Variants in BRINP2 observed in about 807,000 individuals in gnomAD.
BRINP2 encodes the protein BMP/retinoic acid-inducible neural-specific protein 2.
In BRINP2, 21 loss-of-function variants were observed where a neutral mutation model predicts 69.2. The ratio of observed to expected loss-of-function variants is 0.30; its 90% CI spans 0.22 to 0.44. The LOEUF is 0.44. Ranked by LOEUF, BRINP2 falls within the 20% of genes least tolerant of loss-of-function variation. The pLI, the probability that BRINP2 is intolerant of heterozygous loss-of-function variation, is 1.00. For missense variants in BRINP2, 877 were observed against 986.0 expected, an observed-to-expected ratio of 0.89 and a Z score of 1.48; for synonymous variants, 380 against 394.1, an observed-to-expected ratio of 0.96 and a Z score of 0.42.
intron 2 of BRINP2, among the ~76,000 whole-genome samples, chr1:177,255,356 T>C (rs1650722287): frequency 6.6e-6 from 1 of 152,240 alleles, no homozygotes; most frequent in Non-Finnish European, 1.5e-5. Context: ...CAAATGTTGA[T>C]TTTCTCGGTT....
chr1:177,237,237 C>A (rs943681098), intron 2 of BRINP2, among the ~76,000 whole-genome samples: 1 of 152,178 alleles, frequency 6.6e-6, no homozygotes, highest in African/African-American at 2.4e-5. Flanking sequence ...GCATCTCCTT[C>A]GTGCAATGCA....
intron 1 of BRINP2, among the ~76,000 whole-genome samples, chr1:177,207,955 C>T (rs373800973): frequency 3.5e-4 from 54 of 152,214 alleles, no homozygotes; most frequent in African/African-American, 1.2e-3. Context: ...TGCCAAACGC[C>T]GCAGACAAGT....
intron 2 of BRINP2, among the ~76,000 whole-genome samples, chr1:177,240,916 G>A (rs181092999): frequency 1.4e-4 from 22 of 152,208 alleles, no homozygotes; most frequent in African/African-American, 4.6e-4. Context: ...CAGTCAAGAA[G>A]GTGGTCAGTG....
At chr1:177,249,690 A>T (rs1340780662) in intron 2 of BRINP2, among the ~76,000 whole-genome samples, 1 of 152,204 alleles carries the variant, frequency 6.6e-6, no homozygotes, top group African/African-American at 2.4e-5. Context: ...TAAAAAAAAG[A>T]GCCTTGATTA....
intron 4 of BRINP2, among the ~76,000 whole-genome samples, chr1:177,265,086 G>A (rs527248347): frequency 2.0e-5 from 3 of 152,248 alleles, no homozygotes; most frequent in South Asian, 2.1e-4. Flanking sequence ...GAAATAGCAC[G>A]GTACTGGTAC....
intron 1 of BRINP2, among the ~76,000 whole-genome samples, chr1:177,206,537 G>A (rs891100970): frequency 1.3e-5 from 2 of 152,146 alleles, no homozygotes; most frequent in African/African-American, 4.8e-5. Flanking sequence ...GAACTCTGAT[G>A]TTTTATAGCT....
chr1:177,196,888 AAAG>A (rs1320507984), intron 1 of BRINP2, among the ~76,000 whole-genome samples: 6 of 152,142 alleles, frequency 3.9e-5, no homozygotes, highest in Non-Finnish European at 8.8e-5. Flanking sequence ...TCTGTGCTGA[AAAG>A]AAGAAAAAAA....
Position 177,256,038 on chromosome 1 carries a change from A to G in BRINP2, c.389A>G (p.Asn130Ser), listed in dbSNP as rs1650744754. 3 of 1,614,132 alleles carry G rather than the reference A, an allele frequency of 1.9e-6. No homozygotes were observed. The highest frequency in any genetic ancestry group is 2.5e-6 in the Non-Finnish European group (3 of 1,180,000). ...ATTCGCCTCCTTGGAAGGAGACCCAATCTGCAACAGGTTACAGAAAATCTG... is the reference window on the plus strand; with the variant it reads ...ATTCGCCTCCTTGGAAGGAGACCCAGTCTGCAACAGGTTACAGAAAATCTG... ...RNIRLLGRRPNLQQVTENLIK... is the reference protein window; with the variant it reads ...RNIRLLGRRPSLQQVTENLIK... The change falls in exon 3 of 8, where the codon AAT becomes AGT. Residue 130 changes from asparagine to serine, a missense_variant. Coordinates refer to ENST00000361539, the MANE Select transcript of BRINP2 (RefSeq NM_021165.4).
intron 4 of BRINP2, among the ~76,000 whole-genome samples, chr1:177,271,284 A>G (rs1651317686): frequency 6.6e-6 from 1 of 152,204 alleles, no homozygotes; most frequent in Admixed American, 6.5e-5. Flanking sequence ...AAGGATAATC[A>G]AATTGATCTG....
Position 177,278,616 on chromosome 1 carries a change from A to G in BRINP2, c.1066A>G (p.Thr356Ala), listed in dbSNP as rs749763065. 1 of 1,614,172 alleles carries G rather than the reference A, an allele frequency of 6.2e-7. No homozygotes were observed. Among genetic ancestry groups the G allele is most frequent in the South Asian group, 1.1e-5 (1 of 91,084 alleles). ...RLPDDRFLNSTAISQFWAMDT... is the reference protein window; with the variant it reads ...RLPDDRFLNSAAISQFWAMDT... ...GCCCGATGACCGGTTCCTGAACTCC[A>G]CAGCTATCTCCCAGTTCTGGGCCAT... The change falls in exon 7 of 8, where the codon ACA (threonine) becomes GCA (alanine). Residue 356 changes from threonine (T) to alanine (A), a missense_variant. Coordinates refer to ENST00000361539, the MANE Select transcript of BRINP2 (RefSeq NM_021165.4).
At chr1:177,173,550 G>A (rs1648002715) in intron 1 of BRINP2, among the ~76,000 whole-genome samples, 1 of 152,190 alleles carries the variant, frequency 6.6e-6, no homozygotes, top group South Asian at 2.1e-4. Flanking sequence ...GAGGAGAAAA[G>A]GGCTGGGGAA....
intron 6 of BRINP2, among the ~76,000 whole-genome samples, chr1:177,277,519 T>C (rs1651538346): frequency 6.6e-6 from 1 of 151,658 alleles, no homozygotes; most frequent in South Asian, 2.1e-4. Flanking sequence ...TCAAATGTTT[T>C]ACCTATGCAC....
intron 1 of BRINP2, among the ~76,000 whole-genome samples, chr1:177,210,946 T>C (rs1649204062): frequency 1.3e-5 from 2 of 149,392 alleles, no homozygotes; most frequent in Admixed American, 1.3e-4. Context: ...GGTGCATTTA[T>C]TTCTTTTTAT....
At chr1:177,176,459 T>C (rs747378332) in intron 1 of BRINP2, among the ~76,000 whole-genome samples, 1 of 151,358 alleles carries the variant, frequency 6.6e-6, no homozygotes, top group Non-Finnish European at 1.5e-5. Context: ...ACCCATTTCT[T>C]TTTTATTTTT....
chr1:177,249,892 T>G (rs1202131456), intron 2 of BRINP2, among the ~76,000 whole-genome samples: 1 of 152,234 alleles, frequency 6.6e-6, no homozygotes, highest in East Asian at 1.9e-4. Context: ...TTCTCTATTA[T>G]TTTGGTTCCA....
At chr1:177,210,056 G>A (rs891478435) in intron 1 of BRINP2, among the ~76,000 whole-genome samples, 3 of 152,060 alleles carry the variant, frequency 2.0e-5, no homozygotes, top group Non-Finnish European at 1.5e-5. Flanking sequence ...AGAACAGTGC[G>A]TACTTTTATT....
intron 2 of BRINP2, 98 bp from the exon 3 acceptor site, chr1:177,255,821 T>C (rs887123535): frequency 5.6e-6 from 7 of 1,253,394 alleles, no homozygotes; most frequent in Non-Finnish European, 4.5e-6. Flanking sequence ...AGGAGATGAG[T>C]GGCTGCAAGT....
intron 2 of BRINP2, among the ~76,000 whole-genome samples, chr1:177,250,404 C>T (rs1650543618): frequency 6.6e-6 from 1 of 152,102 alleles, no homozygotes. Context: ...TCGGCTCACT[C>T]CAACCTCCAC....
intron 1 of BRINP2, among the ~76,000 whole-genome samples, chr1:177,175,295 G>A (rs1247019851): frequency 6.6e-6 from 1 of 151,770 alleles, no homozygotes; most frequent in Non-Finnish European, 1.5e-5. Flanking sequence ...CGGGGTGGGG[G>A]GGGCAGGATG....
Sources: gnomAD v4.1 joint callset for allele counts (sites outside exome capture counted in the v4.1 genomes callset) on GRCh38, gnomAD v4.1.1 for gene constraint, MANE v1.5 for transcripts, NCBI Gene and HGNC (gene_info 2026-07-23, HGNC 2026-07-21) for gene names.